Variants in NUDCD3 observed in about 807,000 individuals in gnomAD.
The protein encoded by NUDCD3 is NudC domain containing 3.
A neutral mutation model predicts 39.7 loss-of-function variants in NUDCD3; 13 were observed. The ratio of observed to expected loss-of-function variants is 0.33; its 90% CI spans 0.21 to 0.52. The LOEUF (loss-of-function observed/expected upper bound fraction) is 0.52. Ranked by LOEUF, NUDCD3 falls within the 20% of genes least tolerant of loss-of-function variation. The pLI is 0.96. For missense variants in NUDCD3, 453 were observed against 458.1 expected, an observed-to-expected ratio of 0.99 and a Z score of 0.10; for synonymous variants, 175 against 172.4, an observed-to-expected ratio of 1.02 and a Z score of -0.12.
chr7:44,490,435 C>G lies in NUDCD3; in HGVS notation c.166G>C (p.Gly56Arg). The G allele has an allele frequency of 6.3e-7, 1 of 1,586,826 alleles. No individual in the cohort carries two copies. Among genetic ancestry groups the G allele is most frequent in the Non-Finnish European group, 8.6e-7 (1 of 1,167,434 alleles). Residue 56 changes from glycine (G) to arginine (R), a missense_variant, in exon 1 of 6, where the codon GGG becomes CGG. Physicochemically the swap from Gly to Arg is moderately radical, Grantham distance 125. Transcript: ENST00000355451. Reference sequence around the variant, plus strand: ...TGCAGCACCAAGGCCTGCGCGGCCCCGGGCGGGAAGCCCATGCGGTCCGAT... The same window carrying G: ...TGCAGCACCAAGGCCTGCGCGGCCCGGGGCGGGAAGCCCATGCGGTCCGAT... ...HPSDRMGFPP[G>R]AAQALVLQVF...
intron 4 of NUDCD3, among the ~76,000 whole-genome samples, chr7:44,394,205 C>T (rs1328399473): frequency 6.6e-6 from 1 of 152,046 alleles, no homozygotes; most frequent in Non-Finnish European, 1.5e-5. Context: ...TCTGACATTC[C>T]GAATGCAGAT....
At chr7:44,436,043 A>C (rs1288436928) in intron 2 of NUDCD3, among the ~76,000 whole-genome samples, 1 of 152,332 alleles carries the variant, frequency 6.6e-6, no homozygotes, top group East Asian at 1.9e-4. Flanking sequence ...GAACTACCCT[A>C]AATTAAGAAT....
rs1798345160 is a variant in NUDCD3, at chr7:44,383,533, AATGACCATGCACAG to A, written c.*2464_*2477del. 1 of 152,224 alleles carries A rather than the reference AATGACCATGCACAG, an allele frequency of 6.6e-6. No homozygotes were observed. Among genetic ancestry groups the A allele is most frequent in the South Asian group, 2.1e-4 (1 of 4,834 alleles). 9.4% of individuals were successfully genotyped at this position (152,224 alleles called of 1,614,324 possible). On this transcript the variant is annotated 3_prime_UTR_variant, in exon 6 of 6. Coordinates refer to ENST00000355451, the MANE Select transcript of NUDCD3 (RefSeq NM_015332.4). ...GACCTCAAGGCTAGAATGCAACAAT[AATGACCATGCACAG>A]ACAGAACTGTCTCAGCAGCAAATGT...
intron 2 of NUDCD3, among the ~76,000 whole-genome samples, chr7:44,452,646 G>GA (rs1799815969): frequency 1.3e-5 from 2 of 152,144 alleles, no homozygotes; most frequent in African/African-American, 4.8e-5. Flanking sequence ...TTTGGGAGAG[G>GA]AAAAAATGGT....
At chr7:44,447,620 C>T (rs1455411743) in intron 2 of NUDCD3, among the ~76,000 whole-genome samples, 2 of 152,226 alleles carry the variant, frequency 1.3e-5, no homozygotes, top group Non-Finnish European at 2.9e-5. Context: ...GACAACTGAA[C>T]CTGCCAGAGC....
intron 5 of NUDCD3, among the ~76,000 whole-genome samples, chr7:44,391,868 T>A (rs1334889888): frequency 6.6e-6 from 1 of 152,198 alleles, no homozygotes; most frequent in Non-Finnish European, 1.5e-5. Flanking sequence ...AGTCTTCACA[T>A]GCTGGCCTCC....
intron 2 of NUDCD3, among the ~76,000 whole-genome samples, chr7:44,441,380 T>A (rs1799581324): frequency 6.6e-6 from 1 of 152,172 alleles, no homozygotes; most frequent in Non-Finnish European, 1.5e-5. Context: ...CTTGAAGATA[T>A]TATATCCTGG....
At chr7:44,490,164 CTGAGTAGGG>C in intron 1 of NUDCD3, 1 of 439,452 alleles carries the variant, frequency 2.3e-6, no homozygotes, top group Non-Finnish European at 4.0e-6. Flanking sequence ...CTGGCGGGTG[CTGAGTAGGG>C]CTCTTAACAG....
intron 5 of NUDCD3, 46 bp downstream of exon 5, chr7:44,392,251 C>G (rs575074770): frequency 1.4e-4 from 222 of 1,569,094 alleles, no homozygotes; most frequent in Middle Eastern, 1.7e-4. Context: ...TTGTCACCAG[C>G]ACAAGGGCCT....
chr7:44,404,694 G>T, intron 3 of NUDCD3, 111 bp from the exon 4 acceptor site: 1 of 1,113,754 alleles, frequency 9.0e-7, no homozygotes, highest in Non-Finnish European at 1.3e-6. Context: ...CTACAGCGCT[G>T]TCATCAGGCT....
chr7:44,404,346 C>A (rs1015288552), intron 4 of NUDCD3, 94 bp downstream of exon 4: 3 of 1,309,646 alleles, frequency 2.3e-6, no homozygotes, highest in African/African-American at 2.9e-5. Flanking sequence ...AACAACCTCA[C>A]TGCTTAAGTG....
At position 44,409,085 on chromosome 7, in the gene NUDCD3, A is replaced by ATG. The variant is rs567564556; in HGVS notation, c.643-4504_643-4503dup. On this transcript the variant is annotated intron_variant, in intron 3 of 5. Transcript: ENST00000355451. ...ACCAAAGGCAAAGGTGGGAAATAAA[A>ATG]TGTCCGTGGGGGCTTTGAAAAGCTT... Among the ~76,000 whole-genome samples, 17 of 152,334 alleles carry ATG rather than the reference A, an allele frequency of 1.1e-4. No homozygotes were observed. In the South Asian group the frequency reaches 2.9e-3, roughly 26 times the overall value.
At chr7:44,438,352 T>A (rs1489975595) in intron 2 of NUDCD3, among the ~76,000 whole-genome samples, 1 of 152,152 alleles carries the variant, frequency 6.6e-6, no homozygotes, top group Admixed American at 6.5e-5. Context: ...AGAAAACTCC[T>A]AACACTCAAA....
chr7:44,448,576 G>A (rs908172942), intron 2 of NUDCD3, among the ~76,000 whole-genome samples: 2 of 152,192 alleles, frequency 1.3e-5, no homozygotes, highest in Non-Finnish European at 2.9e-5. Context: ...TAACATCAGG[G>A]TGAAATAAAA....
chr7:44,393,317 C>T (rs1277739045), intron 4 of NUDCD3, among the ~76,000 whole-genome samples: 1 of 152,222 alleles, frequency 6.6e-6, no homozygotes, highest in Non-Finnish European at 1.5e-5. Context: ...GTCTGTGAGA[C>T]TCATGTCATT....
intron 2 of NUDCD3, among the ~76,000 whole-genome samples, chr7:44,476,484 T>C (rs1285046991): frequency 1.3e-5 from 2 of 152,170 alleles, no homozygotes; most frequent in African/African-American, 4.8e-5. Context: ...CCTTTCACCA[T>C]GTGACAGCTC....
At chr7:44,444,182 C>T (rs1390810654) in intron 2 of NUDCD3, among the ~76,000 whole-genome samples, 1 of 152,134 alleles carries the variant, frequency 6.6e-6, no homozygotes, top group Admixed American at 6.5e-5. Context: ...GGTCCCTGCC[C>T]GCCACTTTAA....
At chr7:44,470,092 G>C (rs957584949) in intron 2 of NUDCD3, among the ~76,000 whole-genome samples, 3 of 152,190 alleles carry the variant, frequency 2.0e-5, no homozygotes, top group Non-Finnish European at 4.4e-5. Context: ...GCTGGGTGAA[G>C]AGCATATGTG....
At chr7:44,468,349 C>CAAAAAAAAAAAAAAAAAGAA in intron 2 of NUDCD3, 1 of 375,658 alleles carries the variant, frequency 2.7e-6, no homozygotes, top group South Asian at 3.9e-5. Flanking sequence ...GTAAAAACTG[C>CAAAAAAAAAAAAAAAAAGAA]AAAAAAAAAA....
Sources: allele counts gnomAD v4.1 joint callset (sites outside exome capture counted in the v4.1 genomes callset), GRCh38; gene constraint gnomAD v4.1.1; transcripts MANE v1.5; gene names NCBI Gene and HGNC (gene_info 2026-07-23, HGNC 2026-07-21).